SAMD5: variants seen among roughly 807,000 people sequenced by gnomAD.
SAMD5 encodes sterile alpha motif domain-containing protein 5.
A neutral mutation model predicts 11.3 loss-of-function variants in SAMD5; 13 were observed. That is an observed-to-expected ratio of 1.15 (90% CI 0.75 to 1.83). SAMD5 has a LOEUF of 1.83. SAMD5 is among the 40% of genes most tolerant of loss of function. The pLI is 0.00. For missense variants in SAMD5, 255 were observed against 239.1 expected (o/e 1.07, Z -0.44); for synonymous variants, 129 against 111.3 (o/e 1.16, Z -1.00).
intron 1 of SAMD5, among the ~76,000 whole-genome samples, chr6:147,736,716 A>T (rs1179581521): frequency 6.6e-6 from 1 of 152,160 alleles, no homozygotes. Context: ...GACCAAGGAA[A>T]ACCTAGGTAT....
the SAMD5 span, among the ~76,000 whole-genome samples, chr6:147,867,838 CT>C: frequency 4.6e-5 from 7 of 152,104 alleles, no homozygotes; most frequent in Non-Finnish European, 8.8e-5. Flanking sequence ...AAATTGGTGG[CT>C]GAATATTCTG....
chr6:147,599,622 C>T (rs1460415937), intron 1 of SAMD5, among the ~76,000 whole-genome samples: 1 of 152,054 alleles, frequency 6.6e-6, no homozygotes, highest in Non-Finnish European at 1.5e-5. Context: ...CCTCAGCATT[C>T]GACTTGGATG....
In SAMD5 at chr6:147,533,319, G is replaced by A. The variant is rs193108605; in HGVS notation, c.459+23932G>A. Among the ~76,000 whole-genome samples the A allele has an allele frequency of 2.2e-4, 34 of 151,948 alleles. No homozygotes were observed. The East Asian group carries it at 3.9e-3, about 17-fold the overall frequency. ...AGAGAGCATTTAAGAAACCAAGGCCGGGCGCAGTGGCTCCTGCCTGTAATT... is the reference window on the plus strand; with the variant it reads ...AGAGAGCATTTAAGAAACCAAGGCCAGGCGCAGTGGCTCCTGCCTGTAATT... On this transcript the variant is annotated intron_variant, in intron 1 of 1. Transcript: ENST00000367474.
intron 1 of SAMD5, among the ~76,000 whole-genome samples, chr6:147,613,048 A>G (rs1789808951): frequency 6.6e-6 from 1 of 152,156 alleles, no homozygotes; most frequent in African/African-American, 2.4e-5. Flanking sequence ...AAAATACAAA[A>G]AAATTAGCCA....
intron 1 of SAMD5, among the ~76,000 whole-genome samples, chr6:147,724,120 A>T (rs1013150471): frequency 2.0e-5 from 3 of 151,988 alleles, no homozygotes; most frequent in African/African-American, 7.3e-5. Context: ...GTAAAATTGT[A>T]CATGAAAAAA....
chr6:147,838,579 G>C, the SAMD5 span, among the ~76,000 whole-genome samples: 4 of 136,318 alleles, frequency 2.9e-5, no homozygotes, highest in Admixed American at 3.2e-4. Flanking sequence ...AGCAATAACT[G>C]TTAGCCCTCA....
At position 147,565,746 on chromosome 6, in the gene SAMD5, C is replaced by T. The variant is rs1212588251; in HGVS notation, c.*1290C>T. 1.0e-6 allele frequency: 1 copy of T among 984,468 alleles called. No individual in the cohort carries two copies. Among genetic ancestry groups the T allele is most frequent in the Non-Finnish European group, 1.2e-6 (1 of 829,304 alleles). 61.0% of individuals were successfully genotyped at this position (984,468 alleles called of 1,614,324 possible). A position where few individuals can be genotyped will look rare whatever the true frequency, so the allele number is the denominator to read the frequency against. Reference sequence around the variant, plus strand: ...TAGCGCTGGGATTACAGGCGTGAGCCATCACACCCGGCCTGGATGCTGGTA... The same window carrying T: ...TAGCGCTGGGATTACAGGCGTGAGCTATCACACCCGGCCTGGATGCTGGTA... On this transcript the variant is annotated 3_prime_UTR_variant, in exon 2 of 2. Transcript: ENST00000367474.
the SAMD5 span, among the ~76,000 whole-genome samples, chr6:147,807,226 A>C: frequency 1.3e-5 from 2 of 152,184 alleles, no homozygotes; most frequent in Non-Finnish European, 2.9e-5. Context: ...CAGACTCCTG[A>C]GTAGCTGGGA....
chr6:147,729,563 T>C (rs1170588206), intron 1 of SAMD5, among the ~76,000 whole-genome samples: 2 of 152,028 alleles, frequency 1.3e-5, no homozygotes, highest in African/African-American at 2.4e-5. Flanking sequence ...CAAAATATGA[T>C]GTATTTTAGG....
chr6:147,594,561 CTAT>C (rs1415107335), intron 1 of SAMD5, among the ~76,000 whole-genome samples: 4 of 152,062 alleles, frequency 2.6e-5, no homozygotes, highest in Non-Finnish European at 5.9e-5. Flanking sequence ...ACTTTAAAGT[CTAT>C]TATTATTAAA....
the SAMD5 span, among the ~76,000 whole-genome samples, chr6:147,893,048 A>T: frequency 6.6e-6 from 1 of 152,068 alleles, no homozygotes; most frequent in Non-Finnish European, 1.5e-5. Context: ...CCCTGTCTCT[A>T]CTAAAAATAC....
chr6:147,663,445 C>A (rs1466690435), intron 1 of SAMD5, among the ~76,000 whole-genome samples: 2 of 152,032 alleles, frequency 1.3e-5, no homozygotes, highest in African/African-American at 2.4e-5. Flanking sequence ...TGTAACAAAC[C>A]TGCACTTGTA....
At chr6:147,941,860 T>G in the SAMD5 span, among the ~76,000 whole-genome samples, 2 of 123,306 alleles carry the variant, frequency 1.6e-5, no homozygotes, top group Non-Finnish European at 1.9e-5. Flanking sequence ...TTGGTTTGTT[T>G]GTTTGTTTGT....
At chr6:147,589,677 C>T (rs965619368) in intron 1 of SAMD5, among the ~76,000 whole-genome samples, 5 of 152,180 alleles carry the variant, frequency 3.3e-5, no homozygotes, top group African/African-American at 1.2e-4. Context: ...TCCACCATAA[C>T]TTAAGGCTGT....
the SAMD5 span, among the ~76,000 whole-genome samples, chr6:147,876,215 C>T: frequency 1.3e-5 from 2 of 152,308 alleles, no homozygotes; most frequent in South Asian, 2.1e-4. Flanking sequence ...TGCTGAGCCT[C>T]ACCTTCTTCC....
At chr6:147,588,783 T>A (rs1469225127) in intron 1 of SAMD5, among the ~76,000 whole-genome samples, 1 of 152,146 alleles carries the variant, frequency 6.6e-6, no homozygotes, top group East Asian at 1.9e-4. Context: ...TCACTTAACT[T>A]ACGGAAACTG....
the SAMD5 span, among the ~76,000 whole-genome samples, chr6:147,791,788 A>G: frequency 6.6e-6 from 1 of 152,220 alleles, no homozygotes; most frequent in African/African-American, 2.4e-5. Flanking sequence ...TTTCCACATT[A>G]TGATCGGTTG....
chr6:147,856,826 G>C, the SAMD5 span, among the ~76,000 whole-genome samples: 807 of 116,902 alleles, frequency 6.9e-3, 28 homozygotes, highest in African/African-American at 0.026. Context: ...GGGCGCGGGG[G>C]GGGGGGGAAG....
rs1380531981 is a variant in SAMD5 at position 147,566,663 on chromosome 6, T to C, written c.*2207T>C. 9.2e-6 allele frequency: 9 copies of C among 983,522 alleles called. No homozygotes were observed. The highest frequency in any genetic ancestry group is 3.5e-5 in the African/African-American group (2 of 57,184). The allele number at this position is 983,522 out of a possible 1,614,324, so 60.9% of individuals were successfully genotyped here. On this transcript the variant is annotated 3_prime_UTR_variant, in exon 2 of 2. Transcript: ENST00000367474. ...TTCTCTCTGTGTCTGTGGTTAGAATTTGAAAATAACAATGCTCTGCTTAAA... is the reference window on the plus strand; with the variant it reads ...TTCTCTCTGTGTCTGTGGTTAGAATCTGAAAATAACAATGCTCTGCTTAAA...
Sources: allele counts gnomAD v4.1 joint callset (sites outside exome capture counted in the v4.1 genomes callset), GRCh38; gene constraint gnomAD v4.1.1; transcripts MANE v1.5; gene names NCBI Gene and HGNC (gene_info 2026-07-23, HGNC 2026-07-21).